The following USP54 variants were observed in gnomAD, a reference collection of about 807,000 sequenced individuals.
USP54 encodes the protein ubiquitin specific peptidase 54, also known as ubiquitin carboxyl-terminal hydrolase 54.
In USP54, 87 loss-of-function variants were observed where a neutral mutation model predicts 170.5. That is an observed-to-expected ratio of 0.51 (90% CI 0.43 to 0.61). The LOEUF (loss-of-function observed/expected upper bound fraction) is 0.61. Ranked by LOEUF, USP54 falls within the 20% of genes least tolerant of loss-of-function variation. The pLI is 0.00. For missense variants in USP54, 1,786 were observed against 2,047.8 expected (o/e 0.87, Z 2.47); for synonymous variants, 655 against 742.8 (o/e 0.88, Z 1.92).
At chr10:73,622,300 A>ATATT (rs112001853) in intron 1 of USP54, among the ~76,000 whole-genome samples, 5,120 of 149,636 alleles carry the variant, frequency 0.034, 89 homozygotes, top group East Asian at 0.056. Context: ...GACTGTTGTA[A>ATATT]TATTTATTTA....
Position 73,530,239 on chromosome 10 carries a change from G to A in USP54, c.1732C>T (p.Pro578Ser), listed in dbSNP as rs1003606010. Residue 578 changes from proline (P) to serine (S), a missense_variant, in exon 14 of 24, where the codon CCC becomes TCC. Pro to Ser is a moderately conservative substitution (Grantham distance 74, BLOSUM62 -1). Transcript: ENST00000687698. ...TCAATATTCAGAGATTCTCGTTTGGGTCTCCATGTGGGACGATACTTGCTG... is the reference window on the plus strand; with the variant it reads ...TCAATATTCAGAGATTCTCGTTTGGATCTCCATGTGGGACGATACTTGCTG... The part of the protein sequence containing the change: ...SSSKYRPTWR[P>S]KRESLNIDSI... 6 of 1,614,098 alleles carry A rather than the reference G, an allele frequency of 3.7e-6. No individual in the cohort carries two copies. In the Admixed American group the frequency reaches 5.0e-5, roughly 13 times the overall value.
chr10:73,519,836 C>T lies in USP54; in HGVS notation c.2639G>A (p.Cys880Tyr), dbSNP rs1160326319. The part of the protein sequence containing the change: ...SPQQPSQPSA[C>Y]LPTQAGTLSQ... Reference sequence around the variant, plus strand: ...GAGAGTCCCCGCCTGTGTTGGGAGGCAGGCTGAGGGCTGCGACGGCTGCTG... The same window carrying T: ...GAGAGTCCCCGCCTGTGTTGGGAGGTAGGCTGAGGGCTGCGACGGCTGCTG... Residue 880 changes from cysteine (C) to tyrosine (Y), a missense_variant, in exon 19 of 24, where the codon TGC (cysteine) becomes TAC (tyrosine). Around this residue, in one of 3 missense-constraint regions of USP54, gnomAD observed 1,418 missense variants for 1,569.0 expected, o/e 0.90. Coordinates refer to ENST00000687698, the MANE Select transcript of USP54 (RefSeq NM_001391956.1). The T allele has an allele frequency of 2.0e-5, 32 of 1,614,070 alleles. No individual in the cohort carries two copies. The highest frequency in any genetic ancestry group is 2.7e-5 in the Non-Finnish European group (32 of 1,180,000).
At chr10:73,586,878 AAACT>A (rs2132177049) in intron 1 of USP54, among the ~76,000 whole-genome samples, 1 of 152,360 alleles carries the variant, frequency 6.6e-6, no homozygotes, top group South Asian at 2.1e-4. Flanking sequence ...TGGCAGCTTC[AAACT>A]ATTACATCAT....
At chr10:73,601,924 C>T (rs933323498) in intron 1 of USP54, among the ~76,000 whole-genome samples, 2 of 152,230 alleles carry the variant, frequency 1.3e-5, no homozygotes, top group Non-Finnish European at 2.9e-5. Flanking sequence ...TCCTTCACCA[C>T]TGCCCTGGAA....
chr10:73,542,756 A>G (rs2066906114), intron 7 of USP54, 47 bp downstream of exon 7: 1 of 1,574,992 alleles, frequency 6.3e-7, no homozygotes, highest in Non-Finnish European at 8.6e-7. Context: ...AGTCCAATCA[A>G]CTGGAGGAAT....
rs2066958599 is a variant in USP54 at position 73,543,006 on chromosome 10, G to A, written c.489+12C>T. ...GAAGAAATGTCTAAAAAAAGATGGAGCTAGAGTTCACCTGCTCAAACAATG... is the reference window on the plus strand; with the variant it reads ...GAAGAAATGTCTAAAAAAAGATGGAACTAGAGTTCACCTGCTCAAACAATG... On this transcript the variant is annotated intron_variant, in intron 6 of 23. Transcript: ENST00000687698. 1 of 1,612,128 alleles carries A rather than the reference G, an allele frequency of 6.2e-7. No individual in the cohort carries two copies. Among genetic ancestry groups the A allele is most frequent in the Admixed American group, 1.7e-5 (1 of 59,986 alleles).
At chr10:73,537,530 G>A (rs2065474836) in intron 10 of USP54, among the ~76,000 whole-genome samples, 1 of 152,024 alleles carries the variant, frequency 6.6e-6, no homozygotes, top group African/African-American at 2.4e-5. Context: ...CAACTTTCCT[G>A]CTTTGTCATT....
intron 20 of USP54, among the ~76,000 whole-genome samples, chr10:73,514,314 G>A (rs540038645): frequency 2.0e-5 from 3 of 152,178 alleles, no homozygotes; most frequent in East Asian, 3.9e-4. Flanking sequence ...TATAATCCCT[G>A]CACTTTGGGA....
intron 22 of USP54, among the ~76,000 whole-genome samples, chr10:73,503,371 TA>T (rs2058513968): frequency 6.6e-6 from 1 of 152,222 alleles, no homozygotes; most frequent in Non-Finnish European, 1.5e-5. Context: ...GTAAGCTCCA[TA>T]AAAGCAGGGA....
upstream of USP54, among the ~76,000 whole-genome samples, chr10:73,596,043 G>A (rs1473296927): frequency 5.3e-5 from 8 of 151,482 alleles, no homozygotes; most frequent in East Asian, 3.9e-4. Context: ...CCCAGGAGGC[G>A]GAGGTTGCAG....
At chr10:73,530,632 A>C in intron 13 of USP54, 72 bp downstream of exon 13, 1 of 1,589,622 alleles carries the variant, frequency 6.3e-7, no homozygotes, top group Non-Finnish European at 8.5e-7. Context: ...AGGAGAAGCC[A>C]ACAGTCTGGA....
chr10:73,600,688 C>T (rs1029815811), intron 1 of USP54, among the ~76,000 whole-genome samples: 3 of 152,122 alleles, frequency 2.0e-5, no homozygotes, highest in Non-Finnish European at 4.4e-5. Context: ...CTGAGGCAGG[C>T]GGATCACCTG....
chr10:73,573,698 G>A (rs2075643836), intron 3 of USP54, among the ~76,000 whole-genome samples: 1 of 152,206 alleles, frequency 6.6e-6, no homozygotes, highest in Non-Finnish European at 1.5e-5. Flanking sequence ...CCAAGAGGCG[G>A]AGGTGGCAGT....
chr10:73,557,444 C>T lies in USP54; in HGVS notation c.241-11772G>A, dbSNP rs565882318. Reference sequence around the variant, plus strand: ...CAAGTGATTCTCCTGCCTCAGCCTCCCAAGTAGCTGGGACTATAGGTGCCG... The same window carrying T: ...CAAGTGATTCTCCTGCCTCAGCCTCTCAAGTAGCTGGGACTATAGGTGCCG... On this transcript the variant is annotated intron_variant, in intron 4 of 23. Coordinates refer to ENST00000687698, the MANE Select transcript of USP54 (RefSeq NM_001391956.1). Among the ~76,000 whole-genome samples the T allele has an allele frequency of 1.2e-3, 175 of 152,142 alleles. 2 individuals are homozygous for T. The highest frequency in any genetic ancestry group is 4.1e-3 in the African/African-American group (172 of 41,512).
chr10:73,607,596 G>A (rs772426951), intron 1 of USP54, among the ~76,000 whole-genome samples: 3 of 150,504 alleles, frequency 2.0e-5, no homozygotes, highest in East Asian at 2.0e-4. Flanking sequence ...TTTGGGAGCC[G>A]GAGGAGGATG....
intron 4 of USP54, among the ~76,000 whole-genome samples, chr10:73,561,971 C>T (rs1029480637): frequency 2.6e-5 from 4 of 152,064 alleles, no homozygotes; most frequent in African/African-American, 9.7e-5. Context: ...CGTGGTGGCA[C>T]ACACCTGTAA....
intron 1 of USP54, among the ~76,000 whole-genome samples, chr10:73,607,805 T>C (rs1382634395): frequency 1.4e-5 from 2 of 138,812 alleles, no homozygotes; most frequent in African/African-American, 2.7e-5. Context: ...CACCCCAGCC[T>C]GGGAGACAGA....
intron 1 of USP54, among the ~76,000 whole-genome samples, chr10:73,606,175 C>CAAAAAAAAAAAAAAAAAAAA (rs1178699732): frequency 1.6e-4 from 4 of 25,622 alleles, no homozygotes; most frequent in South Asian, 1.4e-3. Context: ...GAGGCTGTCT[C>CAAAAAAAAAAAAAAAAAAAA]AAAAAAAAAA....
upstream of USP54, among the ~76,000 whole-genome samples, chr10:73,592,535 G>A (rs1167922582): frequency 6.6e-6 from 1 of 151,422 alleles, no homozygotes; most frequent in Non-Finnish European, 1.5e-5. Flanking sequence ...TTCTAACTCA[G>A]GTCTCCTAGT....
Sources: gnomAD v4.1 joint callset for allele counts (sites outside exome capture counted in the v4.1 genomes callset) on GRCh38, gnomAD v4.1.1 for gene constraint, gnomAD v4.1.1 regional missense constraint, MANE v1.5 for transcripts, NCBI Gene and HGNC (gene_info 2026-07-23, HGNC 2026-07-21) for gene names.